The following LRRFIP2 variants were observed in gnomAD, a reference collection of about 807,000 sequenced individuals.
LRRFIP2 encodes leucine-rich repeat flightless-interacting protein 2.
Under a neutral mutation model 125.9 loss-of-function variants are expected in LRRFIP2, and 109 were observed. The observed-to-expected ratio is 0.87, with a 90% CI of 0.74 to 1.01. LRRFIP2 has a LOEUF of 1.01. Ranked by LOEUF, LRRFIP2 falls within the 50% of genes least tolerant of loss-of-function variation. LRRFIP2 has a pLI of 0.00. For missense variants in LRRFIP2, 850 were observed against 862.3 expected (o/e 0.99, Z 0.18); for synonymous variants, 291 against 293.1 (o/e 0.99, Z 0.07).
chr3:37,140,430 T>G (rs1414744368), intron 2 of LRRFIP2: 4 of 151,928 alleles, frequency 2.6e-5, no homozygotes, highest in Non-Finnish European at 5.9e-5. Context: ...CTTTATTTAT[T>G]TATTCATTCA....
Position 37,124,144 on chromosome 3 carries a change from G to GCCC in LRRFIP2, c.229-2454_229-2453insGGG, listed in dbSNP as rs557622262. Among the ~76,000 whole-genome samples the GCCC allele has an allele frequency of 1.9e-4, 29 of 152,228 alleles. 1 individual carries two copies. In the South Asian group the frequency reaches 6.0e-3, roughly 32 times the overall value. On this transcript the variant is annotated intron_variant, in intron 4 of 27. Coordinates refer to ENST00000336686, the MANE Select transcript of LRRFIP2 (RefSeq NM_006309.4). ...GACCATGGAAATATTCTATATTTGT[G>GCCC]CTAATGTAGTACCCACTAGCCACAC...
intron 16 of LRRFIP2, 112 bp downstream of exon 16, chr3:37,096,504 G>A (rs2093726171): frequency 2.9e-6 from 2 of 683,264 alleles, no homozygotes; most frequent in East Asian, 6.3e-5. Flanking sequence ...AATAGATGAA[G>A]GGAGGAAGAG....
At chr3:37,115,116 A>G in intron 6 of LRRFIP2, 21 bp from the exon 7 acceptor site, 1 of 1,568,542 alleles carries the variant, frequency 6.4e-7, no homozygotes, top group Non-Finnish European at 8.7e-7. Flanking sequence ...GCAAAACATG[A>G]AAGTTGGTTT....
intron 18 of LRRFIP2, among the ~76,000 whole-genome samples, chr3:37,088,523 A>G (rs1430896534): frequency 6.6e-6 from 1 of 150,708 alleles, no homozygotes; most frequent in African/African-American, 2.4e-5. Flanking sequence ...AAAAAAAAAA[A>G]GCGAAGGGGT....
At chr3:37,157,699 C>G (rs1577766494) in intron 1 of LRRFIP2, among the ~76,000 whole-genome samples, 2 of 151,870 alleles carry the variant, frequency 1.3e-5, no homozygotes, top group South Asian at 4.2e-4. Context: ...GAAATTGAGG[C>G]AAAGTACAAA....
chr3:37,065,787 C>A, intron 23 of LRRFIP2, 23 bp downstream of exon 23: 1 of 1,613,988 alleles, frequency 6.2e-7, no homozygotes, highest in South Asian at 1.1e-5. Context: ...TAATCCAAGT[C>A]AACATAGCAA....
chr3:37,074,251 T>C (rs967806960), intron 20 of LRRFIP2, among the ~76,000 whole-genome samples: 1 of 152,200 alleles, frequency 6.6e-6, no homozygotes, highest in African/African-American at 2.4e-5. Context: ...AGTGTGGTTG[T>C]GAGATCTCTC....
chr3:37,113,502 A>T (rs2094635044), intron 7 of LRRFIP2, among the ~76,000 whole-genome samples: 1 of 152,114 alleles, frequency 6.6e-6, no homozygotes, highest in African/African-American at 2.4e-5. Context: ...ATGTCTTGCT[A>T]TGTTGTCCAG....
chr3:37,108,357 T>C (rs192066371), intron 12 of LRRFIP2, among the ~76,000 whole-genome samples: 38 of 152,308 alleles, frequency 2.5e-4, no homozygotes, highest in Admixed American at 1.7e-3. Context: ...TCAGAACTTC[T>C]TCAGGAGGAA....
At chr3:37,094,043 C>A (rs1356685077) in intron 17 of LRRFIP2, among the ~76,000 whole-genome samples, 1 of 152,166 alleles carries the variant, frequency 6.6e-6, no homozygotes, top group African/African-American at 2.4e-5. Context: ...CCCATTCTTG[C>A]TACTACCATT....
chr3:37,108,020 T>A, intron 13 of LRRFIP2, 53 bp downstream of exon 13: 1 of 1,445,596 alleles, frequency 6.9e-7, no homozygotes, highest in South Asian at 1.2e-5. Flanking sequence ...TGAGTACAGA[T>A]TAACGCAACA....
rs1158012969 is a variant in LRRFIP2 at position 37,108,030 on chromosome 3, A to C, written c.714+43T>G. On this transcript the variant is annotated intron_variant, in intron 13 of 27. Transcript: ENST00000336686. ...AACAGTGAGTACAGATTAACGCAAC[A>C]ATCAAAAATTTCTACAAAGCATGCA... 6 of 1,549,538 alleles carry C rather than the reference A, an allele frequency of 3.9e-6. No homozygotes were observed. The South Asian group carries it at 6.7e-5, about 17-fold the overall frequency.
At chr3:37,147,711 C>T (rs1442606276) in intron 2 of LRRFIP2, among the ~76,000 whole-genome samples, 1 of 152,152 alleles carries the variant, frequency 6.6e-6, no homozygotes, top group Admixed American at 6.5e-5. Flanking sequence ...TAATAATTCT[C>T]ACCAAAAGAA....
intron 20 of LRRFIP2, 99 bp downstream of exon 20, chr3:37,074,925 C>A: frequency 3.9e-6 from 3 of 765,248 alleles, no homozygotes; most frequent in South Asian, 1.6e-5. Flanking sequence ...AAGAGACAAA[C>A]TCTGATGCAT....
At chr3:37,067,189 A>G (rs938463192) in intron 21 of LRRFIP2, 3 of 152,236 alleles carry the variant, frequency 2.0e-5, no homozygotes, top group African/African-American at 7.2e-5. Flanking sequence ...GATAGCAGGG[A>G]CAGTTCAGGA....
rs372247950 is a variant in LRRFIP2 at position 37,058,772 on chromosome 3, C to A, written c.1870+18G>T. 101 of 1,613,840 alleles carry A rather than the reference C, an allele frequency of 6.3e-5. No individual in the cohort carries two copies. In the African/African-American group the frequency reaches 1.0e-3, roughly 16 times the overall value. On this transcript the variant is annotated intron_variant, in intron 25 of 27. Coordinates refer to ENST00000336686, the MANE Select transcript of LRRFIP2 (RefSeq NM_006309.4). ...AGTCTATATACAGACTGGGACTGGC[C>A]TGTCCCCTGGTACCTACTCTGCATT...
At chr3:37,129,253 G>A (rs1463792970) in intron 2 of LRRFIP2, 104 bp from the exon 3 acceptor site, 12 of 912,896 alleles carry the variant, frequency 1.3e-5, no homozygotes, top group Non-Finnish European at 2.1e-5. Flanking sequence ...AAAGGGGTGG[G>A]CAGGAGAAGA....
intron 18 of LRRFIP2, among the ~76,000 whole-genome samples, chr3:37,086,753 C>T (rs2149100366): frequency 1.3e-5 from 2 of 152,116 alleles, no homozygotes; most frequent in Middle Eastern, 6.8e-3. Flanking sequence ...GCTAGTTGCA[C>T]AACTCTGTGA....
chr3:37,122,297 G>A lies in LRRFIP2; in HGVS notation c.229-606C>T, dbSNP rs570482778. On this transcript the variant is annotated intron_variant, in intron 4 of 27. Transcript: ENST00000336686. Reference sequence around the variant, plus strand: ...ATTCCATGGTGTGTATGTGTGGGGCGGTCACATTCTTTGGTTGGAAAGAAA... The same window carrying A: ...ATTCCATGGTGTGTATGTGTGGGGCAGTCACATTCTTTGGTTGGAAAGAAA... 3.0e-4 allele frequency among the ~76,000 whole-genome samples: 46 copies of A among 151,796 alleles called. No homozygotes were observed. In the South Asian group the frequency reaches 9.2e-3, roughly 30 times the overall value.
Sources: allele counts gnomAD v4.1 joint callset (sites outside exome capture counted in the v4.1 genomes callset), GRCh38; gene constraint gnomAD v4.1.1; transcripts MANE v1.5; gene names NCBI Gene and HGNC (gene_info 2026-07-23, HGNC 2026-07-21).